The following FAM241A variants were observed in gnomAD, a reference collection of about 807,000 sequenced individuals.
The protein encoded by FAM241A is uncharacterized protein FAM241A.
A neutral mutation model predicts 12.2 loss-of-function variants in FAM241A; 7 were observed. The ratio of observed to expected loss-of-function variants is 0.58; its 90% CI spans 0.33 to 1.08. The LOEUF (loss-of-function observed/expected upper bound fraction) is 1.08. Among genes scored for constraint, FAM241A ranks in the 50% least tolerant of loss-of-function variants. The probability of loss-of-function intolerance (pLI) is 0.04; values close to 1 mark genes in which losing one functional copy is unlikely to be tolerated. For synonymous variants in FAM241A, 74 were observed against 68.2 expected (o/e 1.08, Z -0.42); for missense variants, 161 against 169.7 (o/e 0.95, Z 0.29).
intron 1 of FAM241A, among the ~76,000 whole-genome samples, chr4:112,161,853 C>A (rs1406119008): frequency 6.6e-6 from 1 of 151,928 alleles, no homozygotes; most frequent in Non-Finnish European, 1.5e-5. Flanking sequence ...AGAGACACAA[C>A]AAAAAAAGAG....
chr4:112,190,522 C>T lies in FAM241A; in HGVS notation c.*3584C>T, dbSNP rs1233658462. 1.2e-5 allele frequency: 1 copy of T among 82,278 alleles called. No individual in the cohort carries two copies. Among genetic ancestry groups the T allele is most frequent in the African/African-American group, 5.3e-5 (1 of 18,738 alleles). The allele number at this position is 82,278 out of a possible 1,614,324, so 5.1% of individuals were successfully genotyped here. On this transcript the variant is annotated 3_prime_UTR_variant, in exon 2 of 2. Transcript: ENST00000309733. ...CCAACATGGAGAAACCCCGTCTCTA[C>T]TAAAAAAAAAAAAAAAAAAATACAA...
intron 1 of FAM241A, among the ~76,000 whole-genome samples, chr4:112,156,778 G>A (rs149525919): frequency 2.6e-5 from 4 of 152,274 alleles, no homozygotes; most frequent in Non-Finnish European, 5.9e-5. Flanking sequence ...GTTGTGCATT[G>A]AGCTTAAAAG....
intron 1 of FAM241A, among the ~76,000 whole-genome samples, chr4:112,151,859 TTTTG>T (rs911753443): frequency 1.3e-4 from 20 of 152,190 alleles, no homozygotes; most frequent in East Asian, 9.6e-4. Context: ...AGCTAGTGTT[TTTTG>T]TTTGTTTGTT....
intron 1 of FAM241A, among the ~76,000 whole-genome samples, chr4:112,161,662 T>C (rs530634933): frequency 1.6e-4 from 24 of 152,162 alleles, no homozygotes; most frequent in African/African-American, 5.8e-4. Flanking sequence ...ATTGAGGCAA[T>C]ATTAATAGCC....
At chr4:112,170,689 A>G (rs577010840) in intron 1 of FAM241A, among the ~76,000 whole-genome samples, 11 of 152,122 alleles carry the variant, frequency 7.2e-5, no homozygotes, top group Non-Finnish European at 1.5e-4. Flanking sequence ...AAATTTACAA[A>G]TTATTTATTT....
At chr4:112,158,630 A>G (rs1434449061) in intron 1 of FAM241A, among the ~76,000 whole-genome samples, 1 of 152,150 alleles carries the variant, frequency 6.6e-6, no homozygotes, top group African/African-American at 2.4e-5. Context: ...TGCACTATGA[A>G]AAAAAGCAGA....
At chr4:112,184,408 A>G (rs927750707) in intron 1 of FAM241A, among the ~76,000 whole-genome samples, 1 of 152,212 alleles carries the variant, frequency 6.6e-6, no homozygotes, top group African/African-American at 2.4e-5. Flanking sequence ...GCATGCCTGT[A>G]GTCCCAGCTA....
intron 1 of FAM241A, among the ~76,000 whole-genome samples, chr4:112,174,069 G>A (rs895698390): frequency 1.3e-5 from 2 of 152,164 alleles, no homozygotes; most frequent in Non-Finnish European, 2.9e-5. Flanking sequence ...GTGTTTTTCA[G>A]CTCTCTGCCC....
intron 1 of FAM241A, among the ~76,000 whole-genome samples, chr4:112,182,012 T>C (rs559890066): frequency 6.6e-6 from 1 of 152,300 alleles, no homozygotes; most frequent in African/African-American, 2.4e-5. Flanking sequence ...CAAGAGATCT[T>C]AGTAGACTCT....
chr4:112,147,427 T>C (rs185296428), intron 1 of FAM241A, among the ~76,000 whole-genome samples: 3 of 152,206 alleles, frequency 2.0e-5, no homozygotes, highest in South Asian at 2.1e-4. Flanking sequence ...GAAGAATTAG[T>C]CAAGAAGACA....
chr4:112,175,707 G>A (rs990968179), intron 1 of FAM241A, among the ~76,000 whole-genome samples: 1 of 151,938 alleles, frequency 6.6e-6, no homozygotes, highest in Non-Finnish European at 1.5e-5. Context: ...GGCAGAGGTT[G>A]CAGTGAGCCG....
In FAM241A at chr4:112,191,669, C is replaced by G. The variant is rs1018577153; in HGVS notation, c.*4731C>G. On this transcript the variant is annotated 3_prime_UTR_variant, in exon 2 of 2. Transcript: ENST00000309733. The stretch of plus-strand genomic sequence containing the variant: ...GACCAATATCTACACAGCCTTAAGA[C>G]CTCAAGTGAGACATCATGTCCTCCA... The G allele has an allele frequency of 9.9e-5, 15 of 151,940 alleles. No individual in the cohort carries two copies. Among genetic ancestry groups the G allele is most frequent in the African/African-American group, 3.6e-4 (15 of 41,204 alleles). 9.4% of individuals were successfully genotyped at this position (151,940 alleles called of 1,614,324 possible). A position where few individuals can be genotyped will look rare whatever the true frequency, so the allele number is the denominator to read the frequency against.
intron 1 of FAM241A, among the ~76,000 whole-genome samples, chr4:112,173,828 C>T (rs1358364308): frequency 2.0e-5 from 3 of 152,068 alleles, no homozygotes; most frequent in Admixed American, 1.3e-4. Flanking sequence ...AAAGTAATGT[C>T]CAGAAATAAC....
chr4:112,194,022 A>C lies in FAM241A; in HGVS notation c.*7084A>C, dbSNP rs1204709238. ...ATTTGTTTGTATCCTCTTTTATTTC[A>C]TTGAGCAGTGGTTTGTAGTTCTCCT... On this transcript the variant is annotated 3_prime_UTR_variant, in exon 2 of 2. Transcript: ENST00000309733. The C allele has an allele frequency of 5.5e-5, 8 of 146,156 alleles. No individual in the cohort carries two copies. Among genetic ancestry groups the C allele is most frequent in the South Asian group, 2.2e-4 (1 of 4,524 alleles). The allele number at this position is 146,156 out of a possible 1,614,324, so 9.1% of individuals were successfully genotyped here.
intron 1 of FAM241A, 116 bp downstream of exon 1, chr4:112,145,849 G>A: frequency 5.2e-6 from 3 of 573,104 alleles, no homozygotes; most frequent in East Asian, 2.0e-4. Context: ...CCCCGCGTGG[G>A]CACTGGCTCC....
Position 112,152,221 on chromosome 4 carries a change from T to A in FAM241A, c.153+6488T>A, listed in dbSNP as rs904341951. Among the ~76,000 whole-genome samples the A allele has an allele frequency of 6.6e-5, 10 of 152,184 alleles. No homozygotes were observed. In the East Asian group the frequency reaches 1.9e-3, roughly 29 times the overall value. On this transcript the variant is annotated intron_variant, in intron 1 of 1. Coordinates refer to ENST00000309733, the MANE Select transcript of FAM241A (RefSeq NM_152400.3). ...GGGCCTTTTGTCCATAGGGGGCATT[T>A]GACAATGTCTGGACATTTTTTTATT...
chr4:112,170,886 GA>G (rs34674981), intron 1 of FAM241A, among the ~76,000 whole-genome samples: 55,811 of 132,572 alleles, frequency 0.42, 11,865 homozygotes, highest in South Asian at 0.65. Context: ...TTAAAAATAG[GA>G]AAAAAAAAAA....
At chr4:112,175,967 ACAC>A (rs1723812553) in intron 1 of FAM241A, among the ~76,000 whole-genome samples, 1 of 152,182 alleles carries the variant, frequency 6.6e-6, no homozygotes, top group South Asian at 2.1e-4. Context: ...ATATGCATTA[ACAC>A]AACAACATGT....
rs1724181730 is a variant in FAM241A at position 112,192,317 on chromosome 4, C to G, written c.*5379C>G. ...GTATTTTTTAATAGACCTTTATTTA[C>G]TACATTTTAATTTTTTAATTTTTTT... On this transcript the variant is annotated 3_prime_UTR_variant, in exon 2 of 2. Transcript: ENST00000309733. 6.6e-6 allele frequency: 1 copy of G among 151,854 alleles called. No homozygotes were observed. The highest frequency in any genetic ancestry group is 1.5e-5 in the Non-Finnish European group (1 of 67,960). 9.4% of individuals were successfully genotyped at this position (151,854 alleles called of 1,614,324 possible).
Sources: allele counts gnomAD v4.1 joint callset (sites outside exome capture counted in the v4.1 genomes callset), GRCh38; gene constraint gnomAD v4.1.1; transcripts MANE v1.5; gene names NCBI Gene and HGNC (gene_info 2026-07-23, HGNC 2026-07-21).